Variants in GABRA4 observed in about 807,000 individuals in gnomAD.
The protein encoded by GABRA4 is gamma-aminobutyric acid type A receptor subunit alpha4.
A neutral mutation model predicts 49.7 loss-of-function variants in GABRA4; 12 were observed. The ratio of observed to expected loss-of-function variants is 0.24; its 90% CI spans 0.15 to 0.39. The LOEUF (loss-of-function observed/expected upper bound fraction) is 0.39. Ranked by LOEUF, GABRA4 falls within the 10% of genes least tolerant of loss-of-function variation. The pLI is 1.00. For synonymous variants in GABRA4, 288 were observed against 240.2 expected (o/e 1.20, Z -1.84); for missense variants, 506 against 686.0 (o/e 0.74, Z 2.93).
intron 7 of GABRA4, among the ~76,000 whole-genome samples, chr4:46,965,981 T>G (rs1722738187): frequency 6.6e-6 from 1 of 151,736 alleles, no homozygotes; most frequent in African/African-American, 2.4e-5. Flanking sequence ...ACAGAAGTAC[T>G]TCTCCTCCAT....
rs985483262 is a variant in GABRA4, at chr4:46,927,118, G to A, written c.*1107C>T. On this transcript the variant is annotated 3_prime_UTR_variant, in exon 9 of 9. Coordinates refer to ENST00000264318, the MANE Select transcript of GABRA4 (RefSeq NM_000809.4). The stretch of plus-strand genomic sequence containing the variant: ...TGTGATTCTGATCAAATTCTACTCT[G>A]TGACTCTGATCAAATTTGCGACAGT... 1 of 151,902 alleles carries A rather than the reference G, an allele frequency of 6.6e-6. No individual in the cohort carries two copies. Among genetic ancestry groups the A allele is most frequent in the African/African-American group, 2.4e-5 (1 of 41,376 alleles). The allele number at this position is 151,902 out of a possible 1,614,324, so 9.4% of individuals were successfully genotyped here.
chr4:46,947,060 G>C (rs1017331937), intron 8 of GABRA4, among the ~76,000 whole-genome samples: 3 of 151,172 alleles, frequency 2.0e-5, no homozygotes, highest in African/African-American at 7.3e-5. Flanking sequence ...TGACTTCCAG[G>C]CATCCAAGAT....
intron 2 of GABRA4, among the ~76,000 whole-genome samples, chr4:46,983,524 T>A (rs1379498811): frequency 6.6e-6 from 1 of 152,082 alleles, no homozygotes; most frequent in Non-Finnish European, 1.5e-5. Context: ...ATTAACAGAA[T>A]TACTTTCCAC....
chr4:46,941,929 T>G (rs1292061897), intron 8 of GABRA4, among the ~76,000 whole-genome samples: 1 of 152,146 alleles, frequency 6.6e-6, no homozygotes, highest in African/African-American at 2.4e-5. Flanking sequence ...TGGATATTAT[T>G]CTACTTAATA....
intron 8 of GABRA4, among the ~76,000 whole-genome samples, chr4:46,930,400 T>C (rs1721386761): frequency 6.6e-6 from 1 of 151,974 alleles, no homozygotes; most frequent in Non-Finnish European, 1.5e-5. Context: ...TTATCATTGA[T>C]CCTAAAATAT....
At chr4:46,938,009 T>C (rs376849895) in intron 8 of GABRA4, among the ~76,000 whole-genome samples, 1 of 152,274 alleles carries the variant, frequency 6.6e-6, no homozygotes, top group African/African-American at 2.4e-5. Flanking sequence ...CATGCATTTG[T>C]TTAAATATTG....
In GABRA4 at chr4:46,928,463, C is replaced by A; in HGVS notation, c.1427G>T (p.Arg476Leu). 1 of 1,613,594 alleles carries A rather than the reference C, an allele frequency of 6.2e-7. No individual in the cohort carries two copies. Among genetic ancestry groups the A allele is most frequent in the Non-Finnish European group, 8.5e-7 (1 of 1,179,716 alleles). Residue 476 changes from arginine to leucine, a missense_variant, in exon 9 of 9, where the codon CGT becomes CTT. Arg to Leu is a moderately radical substitution (Grantham distance 102, BLOSUM62 -2). Coordinates refer to ENST00000264318, the MANE Select transcript of GABRA4 (RefSeq NM_000809.4). ...CTGCAGTCTTGATCCAAACACGTGA[C>A]GAGTAGAAGCAGATCCAACTGAAGC... ...RKASVGSAST[R>L]HVFGSRLQRI...
In GABRA4 at chr4:46,922,243, A is replaced by T. The variant is rs1441389561; in HGVS notation, c.*5982T>A. On this transcript the variant is annotated 3_prime_UTR_variant, in exon 9 of 9. Coordinates refer to ENST00000264318, the MANE Select transcript of GABRA4 (RefSeq NM_000809.4). ...GAGAGTTTTACACTGTGAACTACAT[A>T]GGCCGCCCAAATGTCAAAAATAGAT... 6.6e-6 allele frequency: 1 copy of T among 152,150 alleles called. No homozygotes were observed. Among genetic ancestry groups the T allele is most frequent in the African/African-American group, 2.4e-5 (1 of 41,432 alleles). 9.4% of individuals were successfully genotyped at this position (152,150 alleles called of 1,614,324 possible). A position where few individuals can be genotyped will look rare whatever the true frequency, so the allele number is the denominator to read the frequency against.
intron 8 of GABRA4, among the ~76,000 whole-genome samples, chr4:46,956,639 A>G (rs1486965509): frequency 6.6e-6 from 1 of 152,012 alleles, no homozygotes; most frequent in Admixed American, 6.6e-5. Context: ...TCAGAACGCT[A>G]AGAATGAGTA....
At chr4:46,961,457 C>T (rs1049912465) in intron 8 of GABRA4, among the ~76,000 whole-genome samples, 1 of 151,816 alleles carries the variant, frequency 6.6e-6, no homozygotes, top group Non-Finnish European at 1.5e-5. Context: ...TTGTCTGCCT[C>T]CTCTCCCTTG....
chr4:46,964,688 A>T (rs1313695408), intron 8 of GABRA4, among the ~76,000 whole-genome samples: 1 of 151,798 alleles, frequency 6.6e-6, no homozygotes, highest in East Asian at 1.9e-4. Context: ...AATAGTATAC[A>T]TGGGATTTTG....
chr4:46,930,872 T>C (rs1454655251), intron 8 of GABRA4, among the ~76,000 whole-genome samples: 1 of 148,956 alleles, frequency 6.7e-6, no homozygotes, highest in Non-Finnish European at 1.5e-5. Context: ...AACTGGCCAT[T>C]AGACAACACA....
intron 2 of GABRA4, among the ~76,000 whole-genome samples, chr4:46,992,437 G>A (rs902951167): frequency 6.6e-6 from 1 of 152,218 alleles, no homozygotes; most frequent in Non-Finnish European, 1.5e-5. Context: ...GGGAGGATGA[G>A]GGACTTCGGT....
rs193246055 is a variant in GABRA4, at chr4:46,976,982, T to C, written c.577+79A>G. 728 of 811,226 alleles carry C rather than the reference T, an allele frequency of 9.0e-4. 8 individuals are homozygous for C. In the East Asian group the frequency reaches 0.019, roughly 22 times the overall value. 50.3% of individuals were successfully genotyped at this position (811,226 alleles called of 1,614,324 possible). On this transcript the variant is annotated intron_variant, in intron 5 of 8. Coordinates refer to ENST00000264318, the MANE Select transcript of GABRA4 (RefSeq NM_000809.4). The stretch of plus-strand genomic sequence containing the variant: ...GGACCATGACTTAAATGTTGGATTA[T>C]GAAAAATAAAATACATGTGTAAATA...
rs1721022118 is a variant in GABRA4, at chr4:46,921,314, C to T, written c.*6911G>A. 2 of 151,524 alleles carry T rather than the reference C, an allele frequency of 1.3e-5. No homozygotes were observed. The highest frequency in any genetic ancestry group is 1.3e-4 in the Admixed American group (2 of 15,174). The allele number at this position is 151,524 out of a possible 1,614,324, so 9.4% of individuals were successfully genotyped here. On this transcript the variant is annotated 3_prime_UTR_variant, in exon 9 of 9. Coordinates refer to ENST00000264318, the MANE Select transcript of GABRA4 (RefSeq NM_000809.4). ...GAATTGAAGGACAGGAAAATATAAA[C>T]AGTGTAATAAATTAACATTGGGATA...
At chr4:46,974,137 T>C in intron 6 of GABRA4, 95 bp downstream of exon 6, 1 of 1,246,028 alleles carries the variant, frequency 8.0e-7, no homozygotes, top group Non-Finnish European at 1.1e-6. Context: ...TTTGTTGTTC[T>C]CCTGAAAAAA....
At chr4:46,941,295 A>G (rs1232490243) in intron 8 of GABRA4, among the ~76,000 whole-genome samples, 2 of 152,080 alleles carry the variant, frequency 1.3e-5, no homozygotes, top group Non-Finnish European at 2.9e-5. Context: ...AGTCAGAACC[A>G]TAGGTTCTGA....
At chr4:46,948,081 C>A (rs991282142) in intron 8 of GABRA4, among the ~76,000 whole-genome samples, 5 of 152,068 alleles carry the variant, frequency 3.3e-5, no homozygotes, top group Non-Finnish European at 7.4e-5. Context: ...GGGCTGCATT[C>A]TTTTTATTTT....
chr4:46,977,041 A>G lies in GABRA4; in HGVS notation c.577+20T>C, dbSNP rs1436548771. 5 of 1,506,716 alleles carry G rather than the reference A, an allele frequency of 3.3e-6. No individual in the cohort carries two copies. Among genetic ancestry groups the G allele is most frequent in the Non-Finnish European group, 4.6e-6 (5 of 1,087,330 alleles). The allele number at this position is 1,506,716 out of a possible 1,614,324, so 93.3% of individuals were successfully genotyped here. A position where few individuals can be genotyped will look rare whatever the true frequency, so the allele number is the denominator to read the frequency against. ...CATGAGGTAATCATAAATTCTAGCAAAATTTTTATTATAACTTACAACTCC... is the reference window on the plus strand; with the variant it reads ...CATGAGGTAATCATAAATTCTAGCAGAATTTTTATTATAACTTACAACTCC... On this transcript the variant is annotated intron_variant, in intron 5 of 8. Coordinates refer to ENST00000264318, the MANE Select transcript of GABRA4 (RefSeq NM_000809.4).
Sources: allele counts gnomAD v4.1 joint callset (sites outside exome capture counted in the v4.1 genomes callset), GRCh38; gene constraint gnomAD v4.1.1; transcripts MANE v1.5; gene names NCBI Gene and HGNC (gene_info 2026-07-23, HGNC 2026-07-21).